ZSWIM6: variants seen among roughly 807,000 people sequenced by gnomAD.
The protein encoded by ZSWIM6 is zinc finger SWIM-type containing 6, also known as zinc finger SWIM domain-containing protein 6.
A neutral mutation model predicts 113.2 loss-of-function variants in ZSWIM6; 9 were observed. The ratio of observed to expected loss-of-function variants is 0.08; its 90% CI spans 0.05 to 0.14. The LOEUF is 0.14. Ranked by LOEUF, ZSWIM6 falls within the 10% of genes least tolerant of loss-of-function variation. The pLI is 1.00. For synonymous variants in ZSWIM6, 611 were observed against 606.5 expected (o/e 1.01, Z -0.11); for missense variants, 1,162 against 1,552.2 (o/e 0.75, Z 4.22).
chr5:61,419,641 G>A (rs987957914), intron 1 of ZSWIM6, among the ~76,000 whole-genome samples: 1 of 152,152 alleles, frequency 6.6e-6, no homozygotes, highest in Non-Finnish European at 1.5e-5. Flanking sequence ...ATATTGAACA[G>A]CTCAGGTATA....
At chr5:61,445,516 A>G (rs1029165701) in intron 1 of ZSWIM6, among the ~76,000 whole-genome samples, 2 of 152,248 alleles carry the variant, frequency 1.3e-5, no homozygotes, top group African/African-American at 4.8e-5. Flanking sequence ...TAAAAAAATC[A>G]TTGGAAAGTA....
chr5:61,443,324 C>A (rs1392084444), intron 1 of ZSWIM6, among the ~76,000 whole-genome samples: 1 of 152,116 alleles, frequency 6.6e-6, no homozygotes, highest in African/African-American at 2.4e-5. Context: ...TTATAACAAC[C>A]TAAATGAAGA....
intron 4 of ZSWIM6, among the ~76,000 whole-genome samples, chr5:61,509,249 T>C (rs974273613): frequency 2.0e-5 from 3 of 152,172 alleles, no homozygotes; most frequent in Admixed American, 2.0e-4. Flanking sequence ...TTCAAACTCT[T>C]ATGTAAGATT....
chr5:61,436,068 G>A (rs1579995401), intron 1 of ZSWIM6, among the ~76,000 whole-genome samples: 1 of 152,076 alleles, frequency 6.6e-6, no homozygotes, highest in Admixed American at 6.6e-5. Flanking sequence ...GGGCGTGGTG[G>A]TGCATGCCTG....
At chr5:61,449,550 T>TA (rs1449959286) in intron 1 of ZSWIM6, among the ~76,000 whole-genome samples, 1 of 152,112 alleles carries the variant, frequency 6.6e-6, no homozygotes, top group African/African-American at 2.4e-5. Flanking sequence ...ATTTAATTGT[T>TA]AACAGCCTAG....
At chr5:61,530,253 C>T (rs903480128) in intron 8 of ZSWIM6, 55 bp downstream of exon 8, 1 of 1,470,480 alleles carries the variant, frequency 6.8e-7, no homozygotes. Flanking sequence ...CCCTGAATGG[C>T]AGTAGTCATT....
At chr5:61,482,496 A>G (rs1337475843) in intron 2 of ZSWIM6, among the ~76,000 whole-genome samples, 2 of 152,176 alleles carry the variant, frequency 1.3e-5, no homozygotes, top group African/African-American at 4.8e-5. Context: ...AAAAATAAAT[A>G]AATAGTTAAA....
intron 4 of ZSWIM6, among the ~76,000 whole-genome samples, chr5:61,497,701 T>A (rs1748359982): frequency 1.3e-5 from 2 of 152,202 alleles, no homozygotes; most frequent in African/African-American, 2.4e-5. Context: ...CATACACCAG[T>A]GTTCTCAAGA....
intron 1 of ZSWIM6, among the ~76,000 whole-genome samples, chr5:61,334,391 G>A (rs1744343348): frequency 6.6e-6 from 1 of 152,166 alleles, no homozygotes; most frequent in Non-Finnish European, 1.5e-5. Context: ...TGAAATTGTA[G>A]CATGGTGAAC....
chr5:61,398,459 T>G (rs1474185889), intron 1 of ZSWIM6, among the ~76,000 whole-genome samples: 1 of 152,188 alleles, frequency 6.6e-6, no homozygotes, highest in African/African-American at 2.4e-5. Context: ...GGTTGGGGAC[T>G]GCCGCCTTTA....
At chr5:61,419,598 G>A (rs1232664287) in intron 1 of ZSWIM6, among the ~76,000 whole-genome samples, 1 of 152,182 alleles carries the variant, frequency 6.6e-6, no homozygotes, top group Non-Finnish European at 1.5e-5. Context: ...TGCATTTCAA[G>A]TGCTCAATAG....
chr5:61,388,448 A>G (rs954177362), intron 1 of ZSWIM6, among the ~76,000 whole-genome samples: 16 of 152,198 alleles, frequency 1.1e-4, no homozygotes, highest in African/African-American at 3.6e-4. Flanking sequence ...CTACAAAACC[A>G]TCTCTACTTT....
rs144610275 is a variant in ZSWIM6 at position 61,530,170 on chromosome 5, G to T, written c.1956G>T (p.Glu652Asp). The T allele has an allele frequency of 4.6e-5, 71 of 1,551,788 alleles. No homozygotes were observed. In the East Asian group the frequency reaches 1.7e-3, roughly 36 times the overall value. ...SLMEACRIDD[E>D]NLSGFSDFTE... ...TGGAAGCCTGCCGCATTGATGATGAGAACCTCTCTGGGTTCTCAGATTTTA... is the reference window on the plus strand; with the variant it reads ...TGGAAGCCTGCCGCATTGATGATGATAACCTCTCTGGGTTCTCAGATTTTA... The change falls in exon 8 of 14, where the codon GAG (glutamate) becomes GAT (aspartate). Residue 652 changes from glutamate (E) to aspartate (D), a missense_variant. By Grantham distance (45) the Glu-to-Asp change is conservative. Around this residue, in one of 4 missense-constraint regions of ZSWIM6, gnomAD observed 620 missense variants for 804.6 expected, o/e 0.77. Coordinates refer to ENST00000252744, the MANE Select transcript of ZSWIM6 (RefSeq NM_020928.2).
intron 1 of ZSWIM6, among the ~76,000 whole-genome samples, chr5:61,341,873 C>CTTTTTTTTTTT (rs35227918): frequency 2.1e-5 from 2 of 94,704 alleles, no homozygotes; most frequent in Non-Finnish European, 4.0e-5. Context: ...TCTCTGTAAC[C>CTTTTTTTTTTT]TTTTTTTTTT....
chr5:61,332,563 C>A lies in ZSWIM6; in HGVS notation c.291C>A (p.Arg97=), dbSNP rs1177638980. Residue 97 remains arginine, a synonymous_variant, in exon 1 of 14, where the codon CGC becomes CGA. Transcript: ENST00000252744. ...GGCCGTTCCAGCGCGTGGAGGAGCG[C>A]TTTGAGCGCATCCCGGAGCCGGTGC... ...EKWPFQRVEE[R]FERIPEPVQR... is the part of the protein sequence containing the mutation. 7.3e-7 allele frequency: 1 copy of A among 1,365,466 alleles called. No homozygotes were observed. Among genetic ancestry groups the A allele is most frequent in the Non-Finnish European group, 9.7e-7 (1 of 1,032,552 alleles). The allele number at this position is 1,365,466 out of a possible 1,614,324, so 84.6% of individuals were successfully genotyped here.
At chr5:61,474,611 A>G (rs1747660874) in intron 2 of ZSWIM6, among the ~76,000 whole-genome samples, 1 of 152,206 alleles carries the variant, frequency 6.6e-6, no homozygotes, top group Admixed American at 6.5e-5. Flanking sequence ...ACGTCACAAC[A>G]TAGCTCAAAA....
chr5:61,422,256 C>G (rs1412127349), intron 1 of ZSWIM6, among the ~76,000 whole-genome samples: 1 of 152,122 alleles, frequency 6.6e-6, no homozygotes, highest in African/African-American at 2.4e-5. Flanking sequence ...TGGTGAGAGA[C>G]AGGGGTCTAG....
intron 1 of ZSWIM6, among the ~76,000 whole-genome samples, chr5:61,377,573 CG>C (rs1745397437): frequency 6.6e-6 from 1 of 151,896 alleles, no homozygotes; most frequent in African/African-American, 2.4e-5. Context: ...AAAAATTAGC[CG>C]GGCGTGGCGG....
intron 4 of ZSWIM6, among the ~76,000 whole-genome samples, chr5:61,501,597 A>C (rs938154486): frequency 1.3e-5 from 2 of 152,240 alleles, no homozygotes; most frequent in African/African-American, 4.8e-5. Flanking sequence ...AATTTGTAAC[A>C]ACACTGGAGA....
Sources: gnomAD v4.1 joint callset for allele counts (sites outside exome capture counted in the v4.1 genomes callset) on GRCh38, gnomAD v4.1.1 for gene constraint, gnomAD v4.1.1 regional missense constraint, MANE v1.5 for transcripts, NCBI Gene and HGNC (gene_info 2026-07-23, HGNC 2026-07-21) for gene names.